Variants in ERBB4 observed in about 807,000 individuals in gnomAD.
The protein encoded by ERBB4 is erb-b2 receptor tyrosine kinase 4.
Under a neutral mutation model 158.0 loss-of-function variants are expected in ERBB4, and 42 were observed. That is an observed-to-expected ratio of 0.27 (90% CI 0.21 to 0.34). The LOEUF (loss-of-function observed/expected upper bound fraction) is 0.34. ERBB4 is among the 10% of genes least tolerant of loss of function. The probability of loss-of-function intolerance (pLI) is 1.00; values close to 1 mark genes in which losing one functional copy is unlikely to be tolerated. For missense variants in ERBB4, 1,333 were observed against 1,624.1 expected (o/e 0.82, Z 3.08); for synonymous variants, 583 against 558.7 (o/e 1.04, Z -0.61).
rs1268294449 is a variant in ERBB4 at position 211,657,517 on chromosome 2, A to T, written c.1946+237T>A. On this transcript the variant is annotated intron_variant, in intron 16 of 27. Transcript: ENST00000342788. ...GAGTGAGACTCGGTCTCCAAAAAAA[A>T]AAAAAAGAAATCGATGGTGTTACTA... 10 of 487,246 alleles carry T rather than the reference A, an allele frequency of 2.1e-5. No homozygotes were observed. The East Asian group carries it at 3.8e-4, about 18-fold the overall frequency. The allele number at this position is 487,246 out of a possible 1,614,324, so 30.2% of individuals were successfully genotyped here.
intron 12 of ERBB4, among the ~76,000 whole-genome samples, chr2:211,684,366 G>T (rs374679502): frequency 6.6e-6 from 1 of 152,080 alleles, no homozygotes; most frequent in African/African-American, 2.4e-5. Context: ...AGGGAGAATC[G>T]CTTGAAACCG....
At chr2:212,333,075 T>C (rs2088256017) in intron 1 of ERBB4, among the ~76,000 whole-genome samples, 1 of 152,018 alleles carries the variant, frequency 6.6e-6, no homozygotes. Context: ...GTGGTTAAAA[T>C]GAAAAGCACA....
chr2:212,017,147 G>C (rs918192778), intron 2 of ERBB4, among the ~76,000 whole-genome samples: 1 of 152,074 alleles, frequency 6.6e-6, no homozygotes, highest in Non-Finnish European at 1.5e-5. Context: ...TGCTGCACTT[G>C]TATTTTCAAA....
intron 3 of ERBB4, among the ~76,000 whole-genome samples, chr2:211,811,107 A>G (rs1307003652): frequency 6.6e-6 from 1 of 152,140 alleles, no homozygotes; most frequent in Non-Finnish European, 1.5e-5. Context: ...TCTTCCTAGC[A>G]TCGATGGTCT....
chr2:212,491,623 T>C (rs1690284319), intron 1 of ERBB4, among the ~76,000 whole-genome samples: 2 of 151,596 alleles, frequency 1.3e-5, no homozygotes. Flanking sequence ...GAGAAATAGA[T>C]TACTGCCTTT....
At chr2:211,894,747 AG>A (rs1167307063) in intron 3 of ERBB4, among the ~76,000 whole-genome samples, 1 of 152,162 alleles carries the variant, frequency 6.6e-6, no homozygotes, top group East Asian at 1.9e-4. Context: ...AGAAAGCTGA[AG>A]TAGTCTATGT....
intron 1 of ERBB4, among the ~76,000 whole-genome samples, chr2:212,304,459 C>T (rs1046543027): frequency 8.0e-5 from 11 of 137,868 alleles, no homozygotes; most frequent in Non-Finnish European, 9.8e-5. Context: ...ATGGTACTGG[C>T]TTGATAAAGA....
intron 2 of ERBB4, among the ~76,000 whole-genome samples, chr2:212,048,385 G>A (rs945243443): frequency 6.6e-6 from 1 of 152,188 alleles, no homozygotes; most frequent in East Asian, 1.9e-4. Flanking sequence ...GCTGGAAATG[G>A]AGGAAGCTAT....
rs1167245959 is a variant in ERBB4 at position 211,890,359 on chromosome 2, A to C, written c.421+57071T>G. ...ACTTCACAGACAAGCAAATGCTGAG[A>C]GATTTTGTCACCACTAGGCCTGCCC... On this transcript the variant is annotated intron_variant, in intron 3 of 27. Coordinates refer to ENST00000342788, the MANE Select transcript of ERBB4 (RefSeq NM_005235.3). Among the ~76,000 whole-genome samples, 284 of 143,892 alleles carry C rather than the reference A, an allele frequency of 2.0e-3. 1 individual carries two copies. The highest frequency in any genetic ancestry group is 7.2e-3 in the African/African-American group (273 of 37,880). 94.4% of individuals were successfully genotyped at this position (143,892 alleles called of 152,430 possible).
intron 20 of ERBB4, among the ~76,000 whole-genome samples, chr2:211,454,982 C>A (rs1247795607): frequency 6.6e-6 from 1 of 152,152 alleles, no homozygotes; most frequent in Non-Finnish European, 1.5e-5. Context: ...CAAATGAAAC[C>A]CTTTAAAAAT....
intron 1 of ERBB4, among the ~76,000 whole-genome samples, chr2:212,206,146 GT>G: frequency 6.6e-6 from 1 of 152,212 alleles, no homozygotes; most frequent in Middle Eastern, 3.4e-3. Flanking sequence ...CTGTTTCATG[GT>G]TACAGACCCT....
chr2:211,530,990 A>G (rs2066484018), intron 20 of ERBB4, among the ~76,000 whole-genome samples: 1 of 152,130 alleles, frequency 6.6e-6, no homozygotes, highest in Non-Finnish European at 1.5e-5. Context: ...AACAAATTAG[A>G]GAACCCAGAA....
chr2:211,707,798 TA>T (rs1033279269), intron 9 of ERBB4, among the ~76,000 whole-genome samples: 1 of 152,170 alleles, frequency 6.6e-6, no homozygotes, highest in Non-Finnish European at 1.5e-5. Flanking sequence ...ACATGCCAAT[TA>T]ACTTTCTTGA....
At chr2:211,765,653 GT>G (rs776867206) in intron 4 of ERBB4, among the ~76,000 whole-genome samples, 5 of 152,056 alleles carry the variant, frequency 3.3e-5, no homozygotes, top group Non-Finnish European at 7.4e-5. Flanking sequence ...TTAGACATTT[GT>G]TTATTCCACT....
intron 20 of ERBB4, among the ~76,000 whole-genome samples, chr2:211,531,330 TA>T (rs2066494337): frequency 6.6e-6 from 1 of 151,958 alleles, no homozygotes; most frequent in South Asian, 2.1e-4. Flanking sequence ...CACATGAAGT[TA>T]AAAAGCTTTT....
chr2:212,267,557 T>C (rs1033841073), intron 1 of ERBB4, among the ~76,000 whole-genome samples: 5 of 150,942 alleles, frequency 3.3e-5, no homozygotes, highest in Non-Finnish European at 5.9e-5. Flanking sequence ...ATTAATAAAA[T>C]ACAACAGCCC....
At chr2:211,840,814 T>C (rs1002871174) in intron 3 of ERBB4, among the ~76,000 whole-genome samples, 1 of 152,124 alleles carries the variant, frequency 6.6e-6, no homozygotes, top group African/African-American at 2.4e-5. Context: ...TATCTAATAA[T>C]AGCAATGCAT....
chr2:211,607,618 A>T (rs1459251586), intron 19 of ERBB4, among the ~76,000 whole-genome samples: 2 of 151,828 alleles, frequency 1.3e-5, no homozygotes, highest in African/African-American at 4.8e-5. Flanking sequence ...AGAGGTGCTC[A>T]TTTTTTTTCT....
intron 19 of ERBB4, among the ~76,000 whole-genome samples, chr2:211,571,033 C>CTCT (rs1232514090): frequency 1.4e-4 from 16 of 113,234 alleles, no homozygotes; most frequent in African/African-American, 5.9e-4. Flanking sequence ...TCTCTGAGTA[C>CTCT]TCTTCTTCTT....
Sources: gnomAD v4.1 joint callset for allele counts (sites outside exome capture counted in the v4.1 genomes callset) on GRCh38, gnomAD v4.1.1 for gene constraint, MANE v1.5 for transcripts, NCBI Gene and HGNC (gene_info 2026-07-23, HGNC 2026-07-21) for gene names.